The following DTNA variants were observed in gnomAD, a reference collection of about 807,000 sequenced individuals.
The protein encoded by DTNA is dystrobrevin alpha.
A neutral mutation model predicts 100.7 loss-of-function variants in DTNA; 43 were observed. The observed-to-expected ratio is 0.43, with a 90% confidence interval of 0.33 to 0.55. DTNA has a LOEUF of 0.55. Ranked by LOEUF, DTNA falls within the 20% of genes least tolerant of loss-of-function variation. The probability of loss-of-function intolerance (pLI) is 0.04; values close to 1 mark genes in which losing one functional copy is unlikely to be tolerated. For missense variants in DTNA, 798 were observed against 953.9 expected (o/e 0.84, Z 2.15); for synonymous variants, 349 against 347.9 (o/e 1.00, Z -0.04).
intron 4 of DTNA, among the ~76,000 whole-genome samples, chr18:34,804,991 A>AT (rs1486699502): frequency 1.3e-5 from 2 of 152,200 alleles, no homozygotes; most frequent in Admixed American, 1.3e-4. Context: ...TATGAATCTT[A>AT]TTCATATAAA....
At chr18:34,581,283 A>AC (rs2048605780) in intron 1 of DTNA, among the ~76,000 whole-genome samples, 1 of 151,652 alleles carries the variant, frequency 6.6e-6, no homozygotes. Flanking sequence ...AAAAAAACAA[A>AC]ACAAAAAAGA....
At chr18:34,540,937 A>G (rs1323283026) in intron 1 of DTNA, among the ~76,000 whole-genome samples, 1 of 152,038 alleles carries the variant, frequency 6.6e-6, no homozygotes, top group East Asian at 1.9e-4. Flanking sequence ...TCTTGCACAT[A>G]TTCTGATTCT....
chr18:34,538,639 G>C (rs1487609361), intron 1 of DTNA, among the ~76,000 whole-genome samples: 1 of 151,956 alleles, frequency 6.6e-6, no homozygotes, highest in Non-Finnish European at 1.5e-5. Flanking sequence ...TAAATGTTGG[G>C]AGGGTTAAAT....
At position 34,615,383 on chromosome 18, in the gene DTNA, ACAAACATG is replaced by A. The variant is rs146864291; in HGVS notation, c.-2+121875_-2+121882del. Among the ~76,000 whole-genome samples, 1,331 of 152,228 alleles carry A rather than the reference ACAAACATG, an allele frequency of 8.7e-3. 12 individuals are homozygous for A. The highest frequency in any genetic ancestry group is 0.03 in the African/African-American group (1,258 of 41,534). On this transcript the variant is annotated intron_variant, in intron 1 of 19. Coordinates refer to the DTNA transcript ENST00000283365. ...ACATTTCAATGTGAGATTATGGGGG[ACAAACATG>A]CAAACTATATCATCTTATTTTTTAA...
intron 1 of DTNA, among the ~76,000 whole-genome samples, chr18:34,685,576 C>T (rs1040709739): frequency 3.9e-5 from 6 of 152,162 alleles, no homozygotes; most frequent in African/African-American, 1.4e-4. Context: ...TACTGTGATA[C>T]CTCCAGCTTT....
At chr18:34,550,851 A>AT (rs941163841) in intron 1 of DTNA, among the ~76,000 whole-genome samples, 5 of 152,202 alleles carry the variant, frequency 3.3e-5, no homozygotes, top group Admixed American at 3.3e-4. Context: ...AAAAAATTTC[A>AT]TTTTCCTATT....
At chr18:34,660,160 C>T (rs2074984579) in intron 1 of DTNA, among the ~76,000 whole-genome samples, 1 of 152,090 alleles carries the variant, frequency 6.6e-6, no homozygotes, top group South Asian at 2.1e-4. Context: ...ACACCATGGG[C>T]ATCCAAATGA....
chr18:34,722,959 T>C (rs2085705786), intron 1 of DTNA, among the ~76,000 whole-genome samples: 1 of 152,182 alleles, frequency 6.6e-6, no homozygotes. Flanking sequence ...TTCTTTCTGG[T>C]TTTTGACTAT....
chr18:34,551,670 A>G (rs2145945874), intron 1 of DTNA, among the ~76,000 whole-genome samples: 1 of 152,224 alleles, frequency 6.6e-6, no homozygotes, highest in East Asian at 1.9e-4. Flanking sequence ...CTTTATGTAT[A>G]ATATCTAGAG....
At chr18:34,541,627 A>G (rs2044255223) in intron 1 of DTNA, among the ~76,000 whole-genome samples, 2 of 152,066 alleles carry the variant, frequency 1.3e-5, no homozygotes, top group African/African-American at 4.8e-5. Context: ...TCCTTTATAA[A>G]TTACCCAGTC....
intron 1 of DTNA, among the ~76,000 whole-genome samples, chr18:34,520,730 T>G (rs1031883676): frequency 2.0e-5 from 3 of 152,128 alleles, no homozygotes; most frequent in Non-Finnish European, 2.9e-5. Context: ...CTTTCTCTAT[T>G]GTTTATCTCA....
Position 34,701,828 on chromosome 18 carries a change from T to C in DTNA, c.-1-54148T>C, listed in dbSNP as rs376558716. Among the ~76,000 whole-genome samples the C allele has an allele frequency of 1.4e-4, 21 of 152,302 alleles. No individual in the cohort carries two copies. In the East Asian group the frequency reaches 2.5e-3, roughly 18 times the overall value. On this transcript the variant is annotated intron_variant, in intron 1 of 19. Transcript: ENST00000283365. ...TGTCCATTCTACCTTCAAAATATGT[T>C]TCAAATGTGTCGCTTGTCATTGTCC... is the stretch of plus-strand genomic sequence containing the variant.
At chr18:34,564,573 T>TA (rs1474808392) in intron 1 of DTNA, among the ~76,000 whole-genome samples, 1 of 152,216 alleles carries the variant, frequency 6.6e-6, no homozygotes, top group Non-Finnish European at 1.5e-5. Flanking sequence ...TGTGGAGAAA[T>TA]AAAGCATTTG....
At chr18:34,778,696 T>G (rs1459226908) in intron 3 of DTNA, among the ~76,000 whole-genome samples, 3 of 152,222 alleles carry the variant, frequency 2.0e-5, no homozygotes, top group Admixed American at 6.5e-5. Context: ...AGCACATGGT[T>G]AAGTGACCTT....
At chr18:34,542,126 AC>A (rs1296132452) in intron 1 of DTNA, among the ~76,000 whole-genome samples, 1 of 152,034 alleles carries the variant, frequency 6.6e-6, no homozygotes, top group African/African-American at 2.4e-5. Context: ...GAGAGAGCTC[AC>A]CAGGAACATG....
chr18:34,674,305 A>G (rs1282080240), intron 1 of DTNA, among the ~76,000 whole-genome samples: 1 of 152,210 alleles, frequency 6.6e-6, no homozygotes, highest in Non-Finnish European at 1.5e-5. Context: ...AGGGGCTTGA[A>G]GAAATAAGCT....
At chr18:34,525,390 ACT>A (rs2042522788) in intron 1 of DTNA, among the ~76,000 whole-genome samples, 1 of 152,036 alleles carries the variant, frequency 6.6e-6, no homozygotes, top group Admixed American at 6.6e-5. Flanking sequence ...TTTCTCGCAC[ACT>A]GTCTTTCCTC....
At chr18:34,828,421 G>A (rs1227760601) in intron 10 of DTNA, among the ~76,000 whole-genome samples, 1 of 152,168 alleles carries the variant, frequency 6.6e-6, no homozygotes, top group Non-Finnish European at 1.5e-5. Context: ...GAAAATTGGA[G>A]TGAGTAATTG....
rs1603218193 is a variant in DTNA at position 34,848,330 on chromosome 18, C to T, written c.1381C>T (p.His461Tyr). ...LESSNRLDEE[H>Y]RLIARYAARL... is the part of the protein sequence containing the mutation. ...GAGTTCAAACCGGCTTGATGAAGAA[C>T]ACAGGCTAATTGCCAGGTATGCGGC... The change falls in exon 14 of 23, where the codon CAC becomes TAC. Residue 461 changes from histidine (H) to tyrosine (Y), a missense_variant. Around this residue, in one of 6 missense-constraint regions of DTNA, gnomAD observed 159 missense variants for 201.2 expected, o/e 0.79. Coordinates refer to ENST00000444659, the MANE Select transcript of DTNA (RefSeq NM_001386795.1). 1 of 1,614,044 alleles carries T rather than the reference C, an allele frequency of 6.2e-7. No individual in the cohort carries two copies. Among genetic ancestry groups the T allele is most frequent in the Non-Finnish European group, 8.5e-7 (1 of 1,179,954 alleles).
Sources: allele counts gnomAD v4.1 joint callset (sites outside exome capture counted in the v4.1 genomes callset), GRCh38; gene constraint gnomAD v4.1.1; regional missense constraint gnomAD v4.1.1; transcripts MANE v1.5; gene names NCBI Gene and HGNC (gene_info 2026-07-23, HGNC 2026-07-21).